Variants in GRID2 observed in about 807,000 individuals in gnomAD.
GRID2 encodes the protein glutamate ionotropic receptor delta type subunit 2.
GRID2 carries 33 observed loss-of-function variants against 114.8 expected under a neutral mutation model. The ratio of observed to expected loss-of-function variants is 0.29; its 90% CI spans 0.22 to 0.38. The LOEUF (loss-of-function observed/expected upper bound fraction) is 0.38. Ranked by LOEUF, GRID2 falls within the 10% of genes least tolerant of loss-of-function variation. The pLI is 1.00. For synonymous variants in GRID2, 505 were observed against 449.9 expected, an observed-to-expected ratio of 1.12 and a Z score of -1.55; for missense variants, 1,184 against 1,257.7, an observed-to-expected ratio of 0.94 and a Z score of 0.89.
At chr4:93,702,747 A>C (rs1727621759) in intron 14 of GRID2, among the ~76,000 whole-genome samples, 1 of 152,172 alleles carries the variant, frequency 6.6e-6, no homozygotes, top group Non-Finnish European at 1.5e-5. Flanking sequence ...TATTTATTGC[A>C]CATTCATGTG....
intron 13 of GRID2, among the ~76,000 whole-genome samples, chr4:93,554,213 C>A (rs569534877): frequency 1.1e-4 from 16 of 152,200 alleles, no homozygotes; most frequent in African/African-American, 3.9e-4. Context: ...ATTACTTTTT[C>A]TTTTCATCAT....
At chr4:92,791,517 A>G (rs1294902668) in intron 2 of GRID2, among the ~76,000 whole-genome samples, 1 of 151,930 alleles carries the variant, frequency 6.6e-6, no homozygotes, top group Non-Finnish European at 1.5e-5. Context: ...TGCTTTAAAT[A>G]AAGAATTATA....
chr4:93,689,778 T>C (rs1338608240), intron 14 of GRID2, among the ~76,000 whole-genome samples: 1 of 152,142 alleles, frequency 6.6e-6, no homozygotes, highest in Non-Finnish European at 1.5e-5. Flanking sequence ...ATATTTTAAA[T>C]GATTAATAAT....
intron 11 of GRID2, among the ~76,000 whole-genome samples, chr4:93,473,907 AT>A (rs1725073292): frequency 6.6e-6 from 1 of 152,046 alleles, no homozygotes; most frequent in Non-Finnish European, 1.5e-5. Flanking sequence ...ATTTTTTTCT[AT>A]TTTCAATAAA....
intron 13 of GRID2, among the ~76,000 whole-genome samples, chr4:93,604,809 C>A (rs1740041685): frequency 6.6e-6 from 1 of 152,198 alleles, no homozygotes; most frequent in African/African-American, 2.4e-5. Flanking sequence ...TGATTGTTAG[C>A]AGTTTTTAGC....
intron 14 of GRID2, among the ~76,000 whole-genome samples, chr4:93,690,098 C>G (rs923079904): frequency 8.6e-5 from 13 of 151,804 alleles, no homozygotes; most frequent in Admixed American, 2.6e-4. Context: ...ATTTGCAAAT[C>G]TTTTAAAATC....
At chr4:92,439,494 G>C (rs61596038) in intron 1 of GRID2, among the ~76,000 whole-genome samples, 76 of 152,138 alleles carry the variant, frequency 5.0e-4, no homozygotes, top group East Asian at 3.7e-3. Context: ...GGTATGGAGA[G>C]AGAATGGGCG....
intron 2 of GRID2, among the ~76,000 whole-genome samples, chr4:92,677,587 A>T (rs1270954240): frequency 6.6e-6 from 1 of 151,966 alleles, no homozygotes; most frequent in Non-Finnish European, 1.5e-5. Flanking sequence ...CACCACAAAA[A>T]GCTGCTCTTG....
chr4:93,430,860 G>T (rs1176383993), intron 10 of GRID2, among the ~76,000 whole-genome samples: 1 of 152,138 alleles, frequency 6.6e-6, no homozygotes, highest in African/African-American at 2.4e-5. Context: ...AGGTAAAGAG[G>T]GATTGGCAGA....
chr4:93,572,783 C>T (rs1479263579), intron 13 of GRID2, among the ~76,000 whole-genome samples: 1 of 152,048 alleles, frequency 6.6e-6, no homozygotes, highest in African/African-American at 2.4e-5. Flanking sequence ...TCATATCACC[C>T]CTTTCCTGGT....
At chr4:92,446,650 C>T (rs1733484669) in intron 1 of GRID2, among the ~76,000 whole-genome samples, 1 of 152,132 alleles carries the variant, frequency 6.6e-6, no homozygotes, top group Non-Finnish European at 1.5e-5. Flanking sequence ...TTTTTGAGGT[C>T]TCCTTAGTTA....
At chr4:92,497,890 T>TA (rs1316334211) in intron 1 of GRID2, among the ~76,000 whole-genome samples, 1 of 151,830 alleles carries the variant, frequency 6.6e-6, no homozygotes, top group Admixed American at 6.6e-5. Flanking sequence ...TTTTTGGAAA[T>TA]AAAAAATTAT....
intron 2 of GRID2, among the ~76,000 whole-genome samples, chr4:92,929,103 A>G (rs904438363): frequency 2.0e-5 from 3 of 151,462 alleles, no homozygotes; most frequent in East Asian, 1.9e-4. Context: ...CTTTTTGCCT[A>G]TTAGAAATAC....
At chr4:93,607,768 A>G (rs924752064) in intron 13 of GRID2, among the ~76,000 whole-genome samples, 5 of 152,082 alleles carry the variant, frequency 3.3e-5, no homozygotes, top group Non-Finnish European at 5.9e-5. Flanking sequence ...ACTCACCACT[A>G]ATGAGTTTGG....
At chr4:92,777,324 T>C (rs978807977) in intron 2 of GRID2, among the ~76,000 whole-genome samples, 7 of 152,092 alleles carry the variant, frequency 4.6e-5, no homozygotes, top group Admixed American at 3.3e-4. Flanking sequence ...CTTGCTGTTA[T>C]AGTTCAGATA....
intron 1 of GRID2, among the ~76,000 whole-genome samples, chr4:92,342,011 CTT>C (rs767217249): frequency 1.3e-5 from 2 of 151,444 alleles, no homozygotes; most frequent in South Asian, 2.1e-4. Flanking sequence ...GAATAACAAA[CTT>C]ATTTAACATT....
chr4:92,919,128 T>G (rs1489991408), intron 2 of GRID2, among the ~76,000 whole-genome samples: 2 of 152,146 alleles, frequency 1.3e-5, no homozygotes, highest in African/African-American at 4.8e-5. Context: ...GATTTTCTAG[T>G]TTATTTGTGT....
intron 2 of GRID2, among the ~76,000 whole-genome samples, chr4:92,688,290 T>G (rs1734019728): frequency 6.6e-6 from 1 of 151,864 alleles, no homozygotes; most frequent in African/African-American, 2.4e-5. Context: ...CCTCAGGTGA[T>G]CTGCCCTCCT....
intron 2 of GRID2, among the ~76,000 whole-genome samples, chr4:92,711,284 T>C (rs1196761685): frequency 1.3e-5 from 2 of 152,208 alleles, no homozygotes; most frequent in African/African-American, 4.8e-5. Context: ...ACTTATTAGT[T>C]GAATGTGTTT....
Sources: allele counts gnomAD v4.1 joint callset (sites outside exome capture counted in the v4.1 genomes callset), GRCh38; gene constraint gnomAD v4.1.1; transcripts MANE v1.5; gene names NCBI Gene and HGNC (gene_info 2026-07-23, HGNC 2026-07-21).